The following ZNF578 variants were observed in gnomAD, a reference collection of about 807,000 sequenced individuals.
The protein encoded by ZNF578 is zinc finger protein 578.
ZNF578 carries 8 observed loss-of-function variants against 8.3 expected under a neutral mutation model. The ratio of observed to expected loss-of-function variants is 0.96; its 90% CI spans 0.56 to 1.74. The LOEUF is 1.74. Among genes scored for constraint, ZNF578 ranks in the 40% most tolerant of loss-of-function variants. The pLI is 0.00. For synonymous variants in ZNF578, 206 were observed against 232.2 expected (o/e 0.89, Z 1.03); for missense variants, 726 against 707.5 (o/e 1.03, Z -0.30).
intron 3 of ZNF578, among the ~76,000 whole-genome samples, chr19:52,497,500 T>C (rs945069353): frequency 2.2e-4 from 33 of 152,334 alleles, no homozygotes; most frequent in African/African-American, 7.9e-4. Context: ...GGATTATAGG[T>C]GTGAGTCACC....
At chr19:52,493,820 G>A (rs140589901) in intron 3 of ZNF578, among the ~76,000 whole-genome samples, 24 of 151,250 alleles carry the variant, frequency 1.6e-4, no homozygotes, top group East Asian at 3.9e-4. Flanking sequence ...GAGAAACCCC[G>A]TCCCTACTAA....
chr19:52,455,583 TTC>T (rs1336223925), intron 1 of ZNF578: 1 of 152,166 alleles, frequency 6.6e-6, no homozygotes, highest in Non-Finnish European at 1.5e-5. Context: ...ATTTCTAGAA[TTC>T]TGTGTCCAGT....
intron 2 of ZNF578, among the ~76,000 whole-genome samples, chr19:52,487,960 C>T (rs35564476): frequency 0.045 from 3,047 of 67,618 alleles, 89 homozygotes; most frequent in African/African-American, 0.13. Context: ...GCCCCCCCCC[C>T]TTTTTTTTTT....
intron 4 of ZNF578, among the ~76,000 whole-genome samples, chr19:52,503,789 C>A (rs1018406503): frequency 6.8e-6 from 1 of 147,776 alleles, no homozygotes. Context: ...GTAGAGAAAA[C>A]CCTGTGTTTG....
In ZNF578 at chr19:52,512,229, G is replaced by A; in HGVS notation, c.*75G>A. 1.3e-6 allele frequency: 2 copies of A among 1,599,706 alleles called. No homozygotes were observed. The highest frequency in any genetic ancestry group is 1.7e-6 in the Non-Finnish European group (2 of 1,170,954). On this transcript the variant is annotated 3_prime_UTR_variant, in exon 6 of 6. Transcript: ENST00000421239. Reference sequence around the variant, plus strand: ...TTCAGTCACAGATCACGCCTTAAAAGACATAGGAGAATTCATACTGGAGAG... The same window carrying A: ...TTCAGTCACAGATCACGCCTTAAAAAACATAGGAGAATTCATACTGGAGAG...
intron 2 of ZNF578, among the ~76,000 whole-genome samples, chr19:52,460,452 T>G (rs2059254494): frequency 6.6e-6 from 1 of 152,198 alleles, no homozygotes; most frequent in African/African-American, 2.4e-5. Context: ...GTCATCTTCT[T>G]TAGAATAACA....
Position 52,513,462 on chromosome 19 carries a change from A to G in ZNF578, c.*1308A>G, listed in dbSNP as rs1347410917. Among the ~76,000 whole-genome samples, 1 of 148,876 alleles carries G rather than the reference A, an allele frequency of 6.7e-6. No homozygotes were observed. Among genetic ancestry groups the G allele is most frequent in the African/African-American group, 2.5e-5 (1 of 40,514 alleles). On this transcript the variant is annotated 3_prime_UTR_variant, in exon 6 of 6. Coordinates refer to ENST00000421239, the MANE Select transcript of ZNF578 (RefSeq NM_001099694.2). ...AAAGGGATATCAGGCTGGGTGTGGC[A>G]GCTCACGCCGGTAATCCCAGCACTT...
chr19:52,470,206 C>T (rs1300709877), intron 2 of ZNF578, among the ~76,000 whole-genome samples: 1 of 152,156 alleles, frequency 6.6e-6, no homozygotes, highest in African/African-American at 2.4e-5. Context: ...ACAATGGCCT[C>T]CTCTGAGGCA....
rs188616929 is a variant in ZNF578, at chr19:52,489,892, G to A, written c.-121-1432G>A. Among the ~76,000 whole-genome samples, 35 of 152,102 alleles carry A rather than the reference G, an allele frequency of 2.3e-4. No homozygotes were observed. In the East Asian group the frequency reaches 6.1e-3, roughly 26 times the overall value. ...AGGATGATCTCTATCTCCTGACCTCGTGATCTGCCCGCCTCGGCCTCCCAA... is the reference window on the plus strand; with the variant it reads ...AGGATGATCTCTATCTCCTGACCTCATGATCTGCCCGCCTCGGCCTCCCAA... On this transcript the variant is annotated intron_variant, in intron 2 of 5. Coordinates refer to ENST00000421239, the MANE Select transcript of ZNF578 (RefSeq NM_001099694.2).
intron 3 of ZNF578, among the ~76,000 whole-genome samples, chr19:52,495,873 G>C (rs1809244): frequency 0.011 from 1,656 of 152,058 alleles, 32 homozygotes; most frequent in African/African-American, 0.038. Context: ...GGCTGGGGTC[G>C]GGAGTGGGGG....
chr19:52,514,733 G>C lies in ZNF578; in HGVS notation c.*2579G>C, dbSNP rs866188135. On this transcript the variant is annotated 3_prime_UTR_variant, in exon 6 of 6. Transcript: ENST00000421239. ...GATGGAGTGCAGTGGTGCGATCTCA[G>C]CTCACTGCAACCTCTACCTCCTTGG... is the stretch of plus-strand genomic sequence containing the variant. Among the ~76,000 whole-genome samples, 13 of 151,796 alleles carry C rather than the reference G, an allele frequency of 8.6e-5. 1 individual carries two copies. Among genetic ancestry groups the C allele is most frequent in the South Asian group, 2.1e-4 (1 of 4,820 alleles).
At chr19:52,475,824 C>A (rs1423229024) in intron 2 of ZNF578, among the ~76,000 whole-genome samples, 6 of 152,060 alleles carry the variant, frequency 3.9e-5, no homozygotes, top group African/African-American at 1.4e-4. Context: ...TTTGAGATTC[C>A]ATTTAGTTAA....
In ZNF578 at chr19:52,484,572, C is replaced by T. The variant is rs2059338303; in HGVS notation, c.-121-6752C>T. ...GTCAGGCCTCTGAGCCCAAGCTAAG[C>T]CATCGTATACCCTGTGACCTGCACA... On this transcript the variant is annotated intron_variant, in intron 2 of 5. Transcript: ENST00000421239. Among the ~76,000 whole-genome samples the T allele has an allele frequency of 2.0e-5, 3 of 152,126 alleles. No homozygotes were observed. In the South Asian group the frequency reaches 6.2e-4, roughly 32 times the overall value.
intron 2 of ZNF578, among the ~76,000 whole-genome samples, chr19:52,481,386 CA>C (rs1306293192): frequency 6.6e-6 from 1 of 152,182 alleles, no homozygotes; most frequent in Non-Finnish European, 1.5e-5. Context: ...AAGAAGTGGT[CA>C]GGGGACTCCT....
intron 2 of ZNF578, among the ~76,000 whole-genome samples, chr19:52,470,116 ATCT>A (rs1463524006): frequency 1.3e-5 from 2 of 152,172 alleles, no homozygotes; most frequent in Non-Finnish European, 1.5e-5. Context: ...TGGTGGCAAC[ATCT>A]TCTTCCCCAC....
intron 5 of ZNF578, among the ~76,000 whole-genome samples, chr19:52,508,192 A>C (rs1432951852): frequency 6.6e-6 from 1 of 151,910 alleles, no homozygotes; most frequent in East Asian, 1.9e-4. Context: ...TAATAATATA[A>C]AAATTTTCTG....
At chr19:52,476,855 A>G (rs888517372) in intron 2 of ZNF578, among the ~76,000 whole-genome samples, 1 of 152,186 alleles carries the variant, frequency 6.6e-6, no homozygotes, top group Non-Finnish European at 1.5e-5. Context: ...ATTAGCCCAT[A>G]AAATTTCTTT....
chr19:52,503,552 C>T (rs968042837), intron 4 of ZNF578, among the ~76,000 whole-genome samples: 5 of 152,070 alleles, frequency 3.3e-5, no homozygotes, highest in African/African-American at 9.7e-5. Flanking sequence ...TCAGCATGTT[C>T]CCAGGCTGGT....
rs925120296 is a variant in ZNF578, at chr19:52,516,379, G to A, written c.*4225G>A. ...AGTTCCCAACTGCTGCAGCATGTGT[G>A]TGTGGGCTTCTCCAGAAGGGGAGCC... On this transcript the variant is annotated 3_prime_UTR_variant, in exon 6 of 6. Transcript: ENST00000421239. 4.6e-5 allele frequency among the ~76,000 whole-genome samples: 7 copies of A among 152,206 alleles called. No homozygotes were observed. Among genetic ancestry groups the A allele is most frequent in the African/African-American group, 1.7e-4 (7 of 41,448 alleles).
Sources: allele counts gnomAD v4.1 joint callset (sites outside exome capture counted in the v4.1 genomes callset), GRCh38; gene constraint gnomAD v4.1.1; transcripts MANE v1.5; gene names NCBI Gene and HGNC (gene_info 2026-07-23, HGNC 2026-07-21).